CDS2: variants seen among roughly 807,000 people sequenced by gnomAD.
CDS2 encodes CDP-diacylglycerol synthase 2.
A neutral mutation model predicts 59.0 loss-of-function variants in CDS2; 47 were observed. The observed-to-expected ratio is 0.80, with a 90% CI of 0.63 to 1.02. CDS2 has a LOEUF of 1.02. CDS2 is among the 50% of genes least tolerant of loss of function. CDS2 has a pLI of 0.00. For missense variants in CDS2, 356 were observed against 558.9 expected (o/e 0.64, Z 3.66); for synonymous variants, 207 against 206.4 (o/e 1.00, Z -0.02).
At chr20:5,167,538 A>ATG (rs1178734830) in intron 1 of CDS2, among the ~76,000 whole-genome samples, 26 of 152,162 alleles carry the variant, frequency 1.7e-4, no homozygotes, top group African/African-American at 5.3e-4. Context: ...GGCCAGATAT[A>ATG]TGTATATATA....
chr20:5,129,070 T>G (rs1278602710), intron 1 of CDS2, among the ~76,000 whole-genome samples: 1 of 152,188 alleles, frequency 6.6e-6, no homozygotes, highest in Non-Finnish European at 1.5e-5. Flanking sequence ...CCTGAGGAGC[T>G]GTCCAGCTAG....
chr20:5,195,978 G>A lies in CDS2; in HGVS notation c.*5744G>A, dbSNP rs997536824. On this transcript the variant is annotated 3_prime_UTR_variant, in exon 13 of 13. Coordinates refer to ENST00000460006, the MANE Select transcript of CDS2 (RefSeq NM_003818.4). ...GGGAGTTGGGGCACGTGTGTGTAAGGGGAGGCTGCCTCACTTTGAAGGAAT... is the reference window on the plus strand; with the variant it reads ...GGGAGTTGGGGCACGTGTGTGTAAGAGGAGGCTGCCTCACTTTGAAGGAAT... 2 of 152,156 alleles carry A rather than the reference G, an allele frequency of 1.3e-5. No homozygotes were observed. The highest frequency in any genetic ancestry group is 4.8e-5 in the African/African-American group (2 of 41,428). The allele number at this position is 152,156 out of a possible 1,614,324, so 9.4% of individuals were successfully genotyped here. A position where few individuals can be genotyped will look rare whatever the true frequency, so the allele number is the denominator to read the frequency against.
chr20:5,196,217 G>A lies in CDS2; in HGVS notation c.*5983G>A, dbSNP rs1187833524. 6.6e-6 allele frequency: 1 copy of A among 152,186 alleles called. No homozygotes were observed. The highest frequency in any genetic ancestry group is 2.4e-5 in the African/African-American group (1 of 41,418). 9.4% of individuals were successfully genotyped at this position (152,186 alleles called of 1,614,324 possible). On this transcript the variant is annotated 3_prime_UTR_variant, in exon 13 of 13. Coordinates refer to ENST00000460006, the MANE Select transcript of CDS2 (RefSeq NM_003818.4). ...AGATGGTTGTGGGGGTTTCTAGGAA[G>A]CAGCTGCTGTGACAGGCCAATCCCA...
At position 5,189,039 on chromosome 20, in the gene CDS2, A is replaced by G. The variant is rs768402981; in HGVS notation, c.982-28A>G. 13 of 1,613,710 alleles carry G rather than the reference A, an allele frequency of 8.1e-6. 1 individual carries two copies. The South Asian group carries it at 1.3e-4, about 16-fold the overall frequency. ...CGTAACACTGGGCATGTATGCACCT[A>G]AACTTTTACTTCATTTACTCTTCTC... is the stretch of plus-strand genomic sequence containing the variant. On this transcript the variant is annotated intron_variant, in intron 10 of 12. Transcript: ENST00000460006.
In CDS2 at chr20:5,168,411, T is replaced by TC. The variant is rs1234628057; in HGVS notation, c.58-5106dup. On this transcript the variant is annotated intron_variant, in intron 1 of 12. Coordinates refer to ENST00000460006, the MANE Select transcript of CDS2 (RefSeq NM_003818.4). ...GCCTGGATGACAGAGCAAGACTCTG[T>TC]CCCCCCAAAAAAAAAAAAAAAAGAA... Among the ~76,000 whole-genome samples, 715 of 79,992 alleles carry TC rather than the reference T, an allele frequency of 8.9e-3. 13 individuals are homozygous for TC. The highest frequency in any genetic ancestry group is 0.028 in the African/African-American group (530 of 19,202). The allele number at this position is 79,992 out of a possible 152,430, so 52.5% of individuals were successfully genotyped here.
At chr20:5,127,773 G>A (rs1224853977) in intron 1 of CDS2, among the ~76,000 whole-genome samples, 2 of 152,160 alleles carry the variant, frequency 1.3e-5, no homozygotes, top group East Asian at 3.9e-4. Flanking sequence ...AGGAGAGTAG[G>A]AAGGAGGCCA....
At chr20:5,189,684 T>C in intron 11 of CDS2, 51 bp from the exon 12 acceptor site, 1 of 1,364,386 alleles carries the variant, frequency 7.3e-7, no homozygotes, top group Admixed American at 1.7e-5. Flanking sequence ...TAGGCTGGGA[T>C]TGGTTAGTGG....
Position 5,130,593 on chromosome 20 carries a change from G to A in CDS2, c.57+3444G>A, listed in dbSNP as rs146234786. Among the ~76,000 whole-genome samples, 253 of 151,616 alleles carry A rather than the reference G, an allele frequency of 1.7e-3. 6 individuals carry two copies. The East Asian group carries it at 0.046, about 27-fold the overall frequency. ...GGAGTTCGAGACCAGCCTGACCAAC[G>A]GGGTTTTAGTAGAAACCCCGTCTCT... is the stretch of plus-strand genomic sequence containing the variant. On this transcript the variant is annotated intron_variant, in intron 1 of 12. Coordinates refer to ENST00000460006, the MANE Select transcript of CDS2 (RefSeq NM_003818.4).
intron 1 of CDS2, among the ~76,000 whole-genome samples, chr20:5,153,434 A>G (rs1463849595): frequency 1.3e-5 from 2 of 152,176 alleles, no homozygotes; most frequent in Non-Finnish European, 2.9e-5. Context: ...GGGAGCCACT[A>G]GCCTGACTTC....
intron 1 of CDS2, among the ~76,000 whole-genome samples, chr20:5,161,849 AC>A (rs2090878876): frequency 6.6e-6 from 1 of 152,116 alleles, no homozygotes; most frequent in Admixed American, 6.6e-5. Flanking sequence ...ACTCTATTGG[AC>A]GTACTTGGCC....
In CDS2 at chr20:5,192,710, G is replaced by A. The variant is rs1369373769; in HGVS notation, c.*2476G>A. On this transcript the variant is annotated 3_prime_UTR_variant, in exon 13 of 13. Coordinates refer to ENST00000460006, the MANE Select transcript of CDS2 (RefSeq NM_003818.4). ...TTCCCTGTTTATCACTTCCATGCAT[G>A]GTTTTATGCTTCTCATTTGTTTATG... The A allele has an allele frequency of 9.2e-5, 14 of 152,092 alleles. No individual in the cohort carries two copies. The allele number at this position is 152,092 out of a possible 1,614,324, so 9.4% of individuals were successfully genotyped here. A position where few individuals can be genotyped will look rare whatever the true frequency, so the allele number is the denominator to read the frequency against.
intron 5 of CDS2, among the ~76,000 whole-genome samples, chr20:5,180,514 T>C (rs6053177): frequency 6.6e-6 from 1 of 151,760 alleles, no homozygotes; most frequent in Non-Finnish European, 1.5e-5. Context: ...AACTGCCATG[T>C]CACTGATTGG....
chr20:5,189,720 C>T lies in CDS2; in HGVS notation c.1102-15C>T, dbSNP rs199930834. ...CTGAGCCCAAGTTCACCCATCCTTC[C>T]CCTGCCTCTAACAGGACTTTGCCAA... is the stretch of plus-strand genomic sequence containing the variant. On this transcript the variant is annotated splice_polypyrimidine_tract_variant and intron_variant, in intron 11 of 12. Coordinates refer to ENST00000460006, the MANE Select transcript of CDS2 (RefSeq NM_003818.4). 1.2e-6 allele frequency: 2 copies of T among 1,604,914 alleles called. No homozygotes were observed. The highest frequency in any genetic ancestry group is 8.5e-7 in the Non-Finnish European group (1 of 1,172,412).
rs536101395 is a variant in CDS2 at position 5,141,506 on chromosome 20, C to T, written c.57+14357C>T. On this transcript the variant is annotated intron_variant, in intron 1 of 12. Transcript: ENST00000460006. Reference sequence around the variant, plus strand: ...ACAGAAGCTCTTGCACTGGAGACTCCGAAGCTCTTGCAATGGGGACTCTTC... The same window carrying T: ...ACAGAAGCTCTTGCACTGGAGACTCTGAAGCTCTTGCAATGGGGACTCTTC... Among the ~76,000 whole-genome samples, 5 of 152,076 alleles carry T rather than the reference C, an allele frequency of 3.3e-5. No individual in the cohort carries two copies. In the South Asian group the frequency reaches 6.2e-4, roughly 19 times the overall value.
chr20:5,178,785 T>G (rs756255146), intron 4 of CDS2, 32 bp from the exon 5 acceptor site: 6 of 1,613,164 alleles, frequency 3.7e-6, no homozygotes, highest in Non-Finnish European at 5.1e-6. Context: ...GCAAGGGTGC[T>G]CCCCACGGCA....
chr20:5,159,315 T>A (rs1465401840), intron 1 of CDS2, among the ~76,000 whole-genome samples: 1 of 78,714 alleles, frequency 1.3e-5, no homozygotes, highest in Non-Finnish European at 2.6e-5. Flanking sequence ...TCCTAATGCT[T>A]TCCCTCCCCC....
In CDS2 at chr20:5,194,672, A is replaced by AT. The variant is rs1274783187; in HGVS notation, c.*4439dup. The AT allele has an allele frequency of 6.6e-6, 1 of 152,172 alleles. No individual in the cohort carries two copies. Among genetic ancestry groups the AT allele is most frequent in the Non-Finnish European group, 1.5e-5 (1 of 68,042 alleles). The allele number at this position is 152,172 out of a possible 1,614,324, so 9.4% of individuals were successfully genotyped here. A position where few individuals can be genotyped will look rare whatever the true frequency, so the allele number is the denominator to read the frequency against. On this transcript the variant is annotated 3_prime_UTR_variant, in exon 13 of 13. Coordinates refer to ENST00000460006, the MANE Select transcript of CDS2 (RefSeq NM_003818.4). ...GAGGACATGCGGATGATTTATGAGA[A>AT]TAGAGGGGCAGAGTTTGTGAAGTCT...
At chr20:5,188,455 A>T (rs1402313274) in intron 10 of CDS2, among the ~76,000 whole-genome samples, 1 of 152,218 alleles carries the variant, frequency 6.6e-6, no homozygotes, top group Non-Finnish European at 1.5e-5. Flanking sequence ...CCAAAACAGC[A>T]TGTTGCAACA....
chr20:5,149,801 C>T (rs537633913), intron 1 of CDS2, among the ~76,000 whole-genome samples: 13 of 152,118 alleles, frequency 8.5e-5, no homozygotes, highest in East Asian at 1.9e-4. Flanking sequence ...CTGCAACCTC[C>T]GCCCCCCGGG....
Sources: gnomAD v4.1 joint callset for allele counts (sites outside exome capture counted in the v4.1 genomes callset) on GRCh38, gnomAD v4.1.1 for gene constraint, MANE v1.5 for transcripts, NCBI Gene and HGNC (gene_info 2026-07-23, HGNC 2026-07-21) for gene names.